ASIC2: variants seen among roughly 807,000 people sequenced by gnomAD.
The protein encoded by ASIC2 is acid sensing ion channel subunit 2.
ASIC2 carries 25 observed loss-of-function variants against 57.3 expected under a neutral mutation model. The observed-to-expected ratio is 0.44, with a 90% CI of 0.32 to 0.61. ASIC2 has a LOEUF of 0.61. Among genes scored for constraint, ASIC2 ranks in the 20% least tolerant of loss-of-function variants. The probability of loss-of-function intolerance (pLI) is 0.06; values close to 1 mark genes in which losing one functional copy is unlikely to be tolerated. For missense variants in ASIC2, 641 were observed against 738.1 expected (o/e 0.87, Z 1.52); for synonymous variants, 319 against 307.5 (o/e 1.04, Z -0.39).
At chr17:33,339,220 C>T (rs920994430) in intron 1 of ASIC2, among the ~76,000 whole-genome samples, 5 of 152,148 alleles carry the variant, frequency 3.3e-5, no homozygotes, top group South Asian at 2.1e-4. Flanking sequence ...CTCAGATGAG[C>T]TTGGGAAGGA....
At chr17:33,500,999 G>A (rs993256077) in intron 1 of ASIC2, among the ~76,000 whole-genome samples, 2 of 152,216 alleles carry the variant, frequency 1.3e-5, no homozygotes, top group East Asian at 1.9e-4. Context: ...CCCAGGCAAC[G>A]CAGTGTCCTG....
At chr17:33,331,310 T>A (rs1236022674) in intron 1 of ASIC2, among the ~76,000 whole-genome samples, 1 of 152,156 alleles carries the variant, frequency 6.6e-6, no homozygotes, top group African/African-American at 2.4e-5. Context: ...ACAACACTAC[T>A]AAAGTAGACG....
chr17:33,927,178 C>T (rs1915841464), intron 1 of ASIC2, among the ~76,000 whole-genome samples: 1 of 152,178 alleles, frequency 6.6e-6, no homozygotes, highest in Non-Finnish European at 1.5e-5. Context: ...ATCCTCCCAC[C>T]TTGGCCTCCC....
At chr17:33,465,240 C>A (rs1159085798) in intron 1 of ASIC2, among the ~76,000 whole-genome samples, 1 of 152,168 alleles carries the variant, frequency 6.6e-6, no homozygotes, top group Non-Finnish European at 1.5e-5. Flanking sequence ...ATGCTTTCCT[C>A]CAAATGCTGA....
chr17:33,028,455 C>T, intron 3 of ASIC2, 63 bp from the exon 4 acceptor site: 1 of 1,580,180 alleles, frequency 6.3e-7, no homozygotes, highest in Non-Finnish European at 8.7e-7. Context: ...CATTCATTTA[C>T]TTACTCAATC....
At chr17:33,828,457 T>A (rs1360544592) in intron 1 of ASIC2, 1 of 152,198 alleles carries the variant, frequency 6.6e-6, no homozygotes, top group Non-Finnish European at 1.5e-5. Context: ...TTCCATCTTG[T>A]CACCTCATCA....
chr17:33,098,420 T>C (rs4795744), intron 2 of ASIC2, among the ~76,000 whole-genome samples: 124,853 of 152,082 alleles, frequency 0.82, 51,337 homozygotes, highest in South Asian at 0.89. Flanking sequence ...AGCACAAAGA[T>C]GGGCAAGCTC....
chr17:34,070,137 T>A (rs1909343145), intron 1 of ASIC2: 1 of 152,104 alleles, frequency 6.6e-6, no homozygotes, highest in African/African-American at 2.4e-5. Flanking sequence ...TCTCCACTTT[T>A]GATGGACATA....
At chr17:33,866,846 T>C (rs978579858) in intron 1 of ASIC2, among the ~76,000 whole-genome samples, 1 of 152,234 alleles carries the variant, frequency 6.6e-6, no homozygotes, top group Non-Finnish European at 1.5e-5. Flanking sequence ...TGAAATGTGC[T>C]TCTTGGATTT....
At chr17:33,205,424 C>T (rs898138456) in intron 1 of ASIC2, among the ~76,000 whole-genome samples, 1 of 152,116 alleles carries the variant, frequency 6.6e-6, no homozygotes, top group African/African-American at 2.4e-5. Flanking sequence ...TTGACAAAGC[C>T]CTGTACATAT....
intron 1 of ASIC2, among the ~76,000 whole-genome samples, chr17:34,020,485 A>T (rs1389315932): frequency 6.6e-6 from 1 of 152,174 alleles, no homozygotes; most frequent in Non-Finnish European, 1.5e-5. Context: ...TTCCCAACCT[A>T]ACTTCACATG....
intron 1 of ASIC2, among the ~76,000 whole-genome samples, chr17:33,405,299 G>A (rs1281440043): frequency 1.3e-5 from 2 of 151,954 alleles, no homozygotes; most frequent in South Asian, 4.2e-4. Flanking sequence ...TTAGAAAAAA[G>A]GGACAATAGG....
At chr17:33,515,347 C>T (rs1207803383) in intron 1 of ASIC2, among the ~76,000 whole-genome samples, 4 of 152,188 alleles carry the variant, frequency 2.6e-5, no homozygotes, top group African/African-American at 9.6e-5. Flanking sequence ...AGGTGGGCCT[C>T]AGAAGTAGAC....
At chr17:33,590,425 G>T (rs1438300484) in intron 1 of ASIC2, among the ~76,000 whole-genome samples, 1 of 152,110 alleles carries the variant, frequency 6.6e-6, no homozygotes, top group Non-Finnish European at 1.5e-5. Context: ...CCAGCCCCCT[G>T]CACAGGTACT....
In ASIC2 at chr17:34,040,801, T is replaced by C. The variant is rs1030772698; in HGVS notation, c.555+115177A>G. On this transcript the variant is annotated intron_variant, in intron 1 of 9. Transcript: ENST00000359872. ...ATTATTACTGAAGCAATAGTTAAGT[T>C]TGAGGGAAAAACACCAAATATAACT... 2.0e-5 allele frequency among the ~76,000 whole-genome samples: 3 copies of C among 152,164 alleles called. 1 individual carries two copies. The highest frequency in any genetic ancestry group is 7.2e-5 in the African/African-American group (3 of 41,430).
At chr17:33,905,002 C>T (rs1335412033) in intron 1 of ASIC2, among the ~76,000 whole-genome samples, 1 of 152,140 alleles carries the variant, frequency 6.6e-6, no homozygotes, top group Non-Finnish European at 1.5e-5. Context: ...TAGAAAATCT[C>T]AGAGAGGGGA....
intron 1 of ASIC2, among the ~76,000 whole-genome samples, chr17:33,671,071 C>T (rs1165209485): frequency 6.6e-6 from 1 of 152,144 alleles, no homozygotes; most frequent in African/African-American, 2.4e-5. Flanking sequence ...TCTGGCTTTA[C>T]CTCTTATCTA....
chr17:33,120,942 C>T (rs569633289), intron 1 of ASIC2, among the ~76,000 whole-genome samples: 1 of 152,268 alleles, frequency 6.6e-6, no homozygotes, highest in South Asian at 2.1e-4. Flanking sequence ...CCTGGCTCTG[C>T]CACTGATTTG....
intron 1 of ASIC2, among the ~76,000 whole-genome samples, chr17:33,727,489 G>A (rs971479281): frequency 1.3e-5 from 2 of 152,170 alleles, no homozygotes; most frequent in African/African-American, 2.4e-5. Context: ...TGGAGGTGGG[G>A]CCTGGTGATT....
Sources: gnomAD v4.1 joint callset for allele counts (sites outside exome capture counted in the v4.1 genomes callset) on GRCh38, gnomAD v4.1.1 for gene constraint, MANE v1.5 for transcripts, NCBI Gene and HGNC (gene_info 2026-07-23, HGNC 2026-07-21) for gene names.